PRDM6: variants seen among roughly 807,000 people sequenced by gnomAD.
PRDM6 encodes PR/SET domain 6.
In PRDM6, 25 loss-of-function variants were observed where a neutral mutation model predicts 60.8. The ratio of observed to expected loss-of-function variants is 0.41; its 90% CI spans 0.30 to 0.57. The LOEUF is 0.57. Ranked by LOEUF, PRDM6 falls within the 20% of genes least tolerant of loss-of-function variation. The probability of loss-of-function intolerance (pLI) is 0.27; values close to 1 mark genes in which losing one functional copy is unlikely to be tolerated. For missense variants in PRDM6, 839 were observed against 821.3 expected (o/e 1.02, Z -0.26); for synonymous variants, 407 against 357.4 (o/e 1.14, Z -1.57).
intron 2 of PRDM6, among the ~76,000 whole-genome samples, chr5:123,097,135 G>C (rs1763976513): frequency 6.6e-6 from 1 of 152,204 alleles, no homozygotes; most frequent in Non-Finnish European, 1.5e-5. Flanking sequence ...TTTTTGCAAA[G>C]GTGCTGAAAG....
chr5:123,106,490 G>A (rs1304668709), intron 3 of PRDM6, among the ~76,000 whole-genome samples: 5 of 152,226 alleles, frequency 3.3e-5, no homozygotes, highest in Admixed American at 2.6e-4. Flanking sequence ...GTACGAGGCT[G>A]TCAGAACTGG....
chr5:123,186,909 C>T (rs551916164), intron 7 of PRDM6, among the ~76,000 whole-genome samples, 178 bp from the exon 8 acceptor site: 3 of 152,226 alleles, frequency 2.0e-5, no homozygotes, highest in Non-Finnish European at 4.4e-5. Context: ...CTGCATCAGA[C>T]GGGCTTTGTC....
At chr5:123,182,526 G>C (rs1334112485) in intron 7 of PRDM6, among the ~76,000 whole-genome samples, 1 of 152,100 alleles carries the variant, frequency 6.6e-6, no homozygotes, top group East Asian at 1.9e-4. Context: ...TTAATGTTAA[G>C]GTGTTACTTA....
chr5:123,134,570 G>C (rs1326878110), intron 3 of PRDM6, among the ~76,000 whole-genome samples: 1 of 152,084 alleles, frequency 6.6e-6, no homozygotes, highest in East Asian at 1.9e-4. Context: ...AGCACACACA[G>C]AAAGCTAATT....
intron 7 of PRDM6, among the ~76,000 whole-genome samples, chr5:123,180,924 CTT>C (rs1766142936): frequency 6.6e-6 from 1 of 152,188 alleles, no homozygotes; most frequent in Non-Finnish European, 1.5e-5. Flanking sequence ...AGTACATTGA[CTT>C]TTTGAGGATT....
At chr5:123,136,261 C>T (rs543877554) in intron 3 of PRDM6, among the ~76,000 whole-genome samples, 1 of 152,220 alleles carries the variant, frequency 6.6e-6, no homozygotes, top group African/African-American at 2.4e-5. Flanking sequence ...CATATGACTA[C>T]AATTTGAATA....
intron 1 of PRDM6, 117 bp from the exon 2 acceptor site, chr5:123,089,883 C>T (rs62375306): frequency 0.055 from 39,967 of 728,084 alleles, 1,300 homozygotes; most frequent in Middle Eastern, 0.081. Flanking sequence ...GCCGCGGAAC[C>T]GGGCGGCCGC....
At position 123,191,596 on chromosome 5, in the gene PRDM6, G is replaced by GA. The variant is rs1766432858; in HGVS notation, c.*4395_*4396insA. The GA allele has an allele frequency of 6.6e-6, 1 of 152,066 alleles. No individual in the cohort carries two copies. The highest frequency in any genetic ancestry group is 6.6e-5 in the Admixed American group (1 of 15,266). The allele number at this position is 152,066 out of a possible 1,614,324, so 9.4% of individuals were successfully genotyped here. A position where few individuals can be genotyped will look rare whatever the true frequency, so the allele number is the denominator to read the frequency against. ...ATATATGCTTCTTTAAATGATAACTGTAAGTTCCAGAAATGTTATTCACTT... is the reference window on the plus strand; with the variant it reads ...ATATATGCTTCTTTAAATGATAACTGATAAGTTCCAGAAATGTTATTCACTT... On this transcript the variant is annotated 3_prime_UTR_variant, in exon 8 of 8. Coordinates refer to ENST00000407847, the MANE Select transcript of PRDM6 (RefSeq NM_001136239.4).
intron 3 of PRDM6, among the ~76,000 whole-genome samples, chr5:123,152,454 G>A (rs1471693570): frequency 2.6e-5 from 4 of 152,056 alleles, no homozygotes; most frequent in South Asian, 2.1e-4. Context: ...TTTAAACATT[G>A]TTCAGGAAAA....
Position 123,089,490 on chromosome 5 carries a change from A to C in PRDM6, c.-45A>C, listed in dbSNP as rs2150202444. 6.3e-6 allele frequency: 1 copy of C among 157,790 alleles called. No individual in the cohort carries two copies. Among genetic ancestry groups the C allele is most frequent in the Admixed American group, 6.5e-5 (1 of 15,342 alleles). 9.8% of individuals were successfully genotyped at this position (157,790 alleles called of 1,614,324 possible). On this transcript the variant is annotated 5_prime_UTR_variant, in exon 1 of 8. Coordinates refer to ENST00000407847, the MANE Select transcript of PRDM6 (RefSeq NM_001136239.4). ...CCCGCACGCTCACCGAGACACCCGC[A>C]CGCACCCACCGGCAGCACCGAGTTT...
intron 2 of PRDM6, among the ~76,000 whole-genome samples, chr5:123,092,769 T>C (rs1942351588): frequency 1.3e-5 from 2 of 151,988 alleles, no homozygotes; most frequent in African/African-American, 2.4e-5. Flanking sequence ...AGAAAGAAAA[T>C]AGAAAGCTGA....
At chr5:123,142,903 C>CCAAAAAAAAAAAAAAAAAAAAAAAAAAA (rs1765143929) in intron 3 of PRDM6, among the ~76,000 whole-genome samples, 1 of 68,128 alleles carries the variant, frequency 1.5e-5, no homozygotes, top group Admixed American at 1.6e-4. Context: ...AAAAAAAAAA[C>CCAAAAAAAAAAAAAAAAAAAAAAAAAAA]AAACAAACCA....
intron 3 of PRDM6, among the ~76,000 whole-genome samples, chr5:123,129,977 C>T (rs985923877): frequency 1.3e-4 from 20 of 151,494 alleles, no homozygotes; most frequent in Non-Finnish European, 2.7e-4. Context: ...CCTTCCCCTT[C>T]CCCTTTACTT....
intron 3 of PRDM6, among the ~76,000 whole-genome samples, chr5:123,110,314 A>G (rs1764282167): frequency 7.3e-6 from 1 of 137,628 alleles, no homozygotes; most frequent in East Asian, 2.1e-4. Flanking sequence ...GCTGGAGTGC[A>G]GTGGCACAAT....
At chr5:123,180,397 T>C (rs1421639237) in intron 7 of PRDM6, 74 bp downstream of exon 7, 1 of 1,425,418 alleles carries the variant, frequency 7.0e-7, no homozygotes, top group African/African-American at 1.4e-5. Context: ...ATCAGCACAG[T>C]GCTGCCTGGC....
At chr5:123,163,372 A>G (rs1478458889) in intron 5 of PRDM6, among the ~76,000 whole-genome samples, 1 of 152,198 alleles carries the variant, frequency 6.6e-6, no homozygotes, top group Non-Finnish European at 1.5e-5. Context: ...CACATTTCCT[A>G]TCGAGAGTGT....
Position 123,090,836 on chromosome 5 carries a change from C to T in PRDM6, c.592+230C>T, listed in dbSNP as rs1195738088. ...GACGGCCGGTGGCACTTTGGGGTTC[C>T]CTCTCCCTCCCTCTCCTCACCTGCT... On this transcript the variant is annotated intron_variant, in intron 2 of 7. Coordinates refer to ENST00000407847, the MANE Select transcript of PRDM6 (RefSeq NM_001136239.4). Among the ~76,000 whole-genome samples the T allele has an allele frequency of 1.3e-5, 2 of 152,164 alleles. 1 individual carries two copies. The highest frequency in any genetic ancestry group is 2.9e-5 in the Non-Finnish European group (2 of 68,026).
intron 3 of PRDM6, among the ~76,000 whole-genome samples, chr5:123,149,863 G>A (rs767571749): frequency 2.0e-5 from 3 of 151,920 alleles, no homozygotes; most frequent in Non-Finnish European, 4.4e-5. Context: ...TTGATTTCCT[G>A]GTGTGTACAA....
At chr5:123,114,651 G>T (rs946635777) in intron 3 of PRDM6, among the ~76,000 whole-genome samples, 2 of 152,190 alleles carry the variant, frequency 1.3e-5, no homozygotes, top group South Asian at 2.1e-4. Flanking sequence ...GATCATTCAG[G>T]TTTAAGATTA....
Sources: allele counts gnomAD v4.1 joint callset (sites outside exome capture counted in the v4.1 genomes callset), GRCh38; gene constraint gnomAD v4.1.1; transcripts MANE v1.5; gene names NCBI Gene and HGNC (gene_info 2026-07-23, HGNC 2026-07-21).